The following ATP13A5 variants were observed in gnomAD, a reference collection of about 807,000 sequenced individuals.
ATP13A5 encodes the protein probable cation-transporting ATPase 13A5.
ATP13A5 carries 149 observed loss-of-function variants against 150.2 expected under a neutral mutation model. That is an observed-to-expected ratio of 0.99 (90% CI 0.87 to 1.14). ATP13A5 has a LOEUF of 1.14. Ranked by LOEUF, ATP13A5 falls within the 50% of genes most tolerant of loss-of-function variation. The pLI is 0.00. For missense variants in ATP13A5, 1,383 were observed against 1,449.3 expected (o/e 0.95, Z 0.74); for synonymous variants, 497 against 522.2 (o/e 0.95, Z 0.66).
chr3:193,331,263 T>G lies in ATP13A5; in HGVS notation c.1321A>C (p.Thr441Pro), dbSNP rs762979471. 6.2e-7 allele frequency: 1 copy of G among 1,614,020 alleles called. No homozygotes were observed. The highest frequency in any genetic ancestry group is 1.1e-5 in the South Asian group (1 of 91,068). The change falls in exon 12 of 30, where the codon ACT becomes CCT. Residue 441 changes from threonine (T) to proline (P), a missense_variant. Physicochemically the swap from Thr to Pro is conservative, Grantham distance 38. Around this residue, in one of 3 missense-constraint regions of ATP13A5, gnomAD observed 787 missense variants for 771.9 expected, o/e 1.02. Transcript: ENST00000342358. ...GCAGCTGGCAGCACTGGAGGGACAG[T>G]CACGGTGAGGAGGATCAGGGCCATG... Reference protein sequence around the residue: ...VTMALILLTVTVPPVLPAALT... With the variant: ...VTMALILLTVPVPPVLPAALT...
chr3:193,373,613 G>A (rs1353323875), intron 1 of ATP13A5, among the ~76,000 whole-genome samples: 3 of 152,070 alleles, frequency 2.0e-5, no homozygotes, highest in African/African-American at 7.2e-5. Flanking sequence ...TTTGCACTTT[G>A]TAACTCTTGA....
At chr3:193,308,313 G>T (rs1280648381) in intron 21 of ATP13A5, among the ~76,000 whole-genome samples, 1 of 152,060 alleles carries the variant, frequency 6.6e-6, no homozygotes, top group Non-Finnish European at 1.5e-5. Context: ...GAAAAAATCA[G>T]CTGGGCATGG....
intron 19 of ATP13A5, among the ~76,000 whole-genome samples, chr3:193,312,228 T>G (rs1027636166): frequency 6.6e-6 from 1 of 152,168 alleles, no homozygotes; most frequent in Non-Finnish European, 1.5e-5. Flanking sequence ...CATTCTTAGG[T>G]CCCAAATAGT....
chr3:193,375,700 C>T (rs935551196), intron 1 of ATP13A5, among the ~76,000 whole-genome samples: 1 of 152,088 alleles, frequency 6.6e-6, no homozygotes, highest in African/African-American at 2.4e-5. Flanking sequence ...CACCTAGTAC[C>T]GCACCATGCC....
At chr3:193,296,503 G>A (rs1007382911) in intron 25 of ATP13A5, among the ~76,000 whole-genome samples, 5 of 151,918 alleles carry the variant, frequency 3.3e-5, no homozygotes, top group East Asian at 3.9e-4. Flanking sequence ...GTACATGTGC[G>A]GTCTTATTTC....
intron 14 of ATP13A5, 135 bp downstream of exon 14, chr3:193,324,729 G>T: frequency 2.1e-6 from 2 of 945,810 alleles, no homozygotes; most frequent in East Asian, 2.5e-5. Flanking sequence ...AGGTTGGGAA[G>T]TTCTGGTAGT....
At chr3:193,360,833 C>T (rs548542230) in intron 5 of ATP13A5, among the ~76,000 whole-genome samples, 23 of 152,248 alleles carry the variant, frequency 1.5e-4, no homozygotes, top group East Asian at 1.9e-4. Flanking sequence ...CAGGCCACCA[C>T]GCCTGGCTAA....
chr3:193,335,449 A>C (rs573542543), intron 9 of ATP13A5, among the ~76,000 whole-genome samples: 7 of 152,306 alleles, frequency 4.6e-5, no homozygotes, highest in Admixed American at 3.3e-4. Flanking sequence ...CCAGCACGTG[A>C]ATAGTAATTA....
chr3:193,351,757 C>T (rs1057070889), intron 6 of ATP13A5, among the ~76,000 whole-genome samples: 1 of 152,168 alleles, frequency 6.6e-6, no homozygotes, highest in Non-Finnish European at 1.5e-5. Context: ...AGGAGGAAGA[C>T]TGGAGAGAAA....
intron 28 of ATP13A5, 36 bp from the exon 29 acceptor site, chr3:193,276,866 C>A: frequency 1.4e-6 from 2 of 1,428,788 alleles, no homozygotes; most frequent in African/African-American, 2.8e-5. Context: ...ATATTTTGCA[C>A]ACTTCACACT....
intron 14 of ATP13A5, among the ~76,000 whole-genome samples, chr3:193,322,838 T>C (rs973109253): frequency 4.6e-5 from 7 of 152,216 alleles, no homozygotes; most frequent in African/African-American, 1.4e-4. Context: ...TACAGGTCCA[T>C]GGATCTTTCT....
chr3:193,333,560 T>C (rs1005598330), intron 11 of ATP13A5, among the ~76,000 whole-genome samples, 190 bp downstream of exon 11: 3 of 152,204 alleles, frequency 2.0e-5, no homozygotes, highest in African/African-American at 7.2e-5. Flanking sequence ...GATTGCATAG[T>C]GTTTTAGATA....
Position 193,284,032 on chromosome 3 carries a change from A to ATTT in ATP13A5, c.3226+879_3226+881dup, listed in dbSNP as rs1553809357. Among the ~76,000 whole-genome samples, 46 of 149,432 alleles carry ATTT rather than the reference A, an allele frequency of 3.1e-4. No homozygotes were observed. The East Asian group carries it at 3.3e-3, about 11-fold the overall frequency. On this transcript the variant is annotated intron_variant, in intron 27 of 29. Transcript: ENST00000342358. ...GATTATTATTATTATTATTATTATTATTTTTTGAGACAGAGCCTTGCTCTG... is the reference window on the plus strand; with the variant it reads ...GATTATTATTATTATTATTATTATTATTTTTTTTTGAGACAGAGCCTTGCTCTG...
chr3:193,337,923 A>C (rs997184327), intron 9 of ATP13A5, among the ~76,000 whole-genome samples: 11 of 152,088 alleles, frequency 7.2e-5, no homozygotes, highest in Admixed American at 7.2e-4. Context: ...AGTGGTTTGT[A>C]GTTCTCCTTG....
intron 25 of ATP13A5, among the ~76,000 whole-genome samples, chr3:193,293,855 G>A (rs974853661): frequency 2.0e-5 from 3 of 151,994 alleles, no homozygotes; most frequent in African/African-American, 2.4e-5. Flanking sequence ...TGGGGTGTAC[G>A]AGATGCACTT....
At position 193,284,960 on chromosome 3, in the gene ATP13A5, G is replaced by C; in HGVS notation, c.3180C>G (p.Phe1060Leu). The C allele has an allele frequency of 6.2e-7, 1 of 1,614,038 alleles. No individual in the cohort carries two copies. Among genetic ancestry groups the C allele is most frequent in the African/African-American group, 1.3e-5 (1 of 75,042 alleles). ...ITTINYITVA[F>L]IFSKGKPFRK... ...GAAATGGCTTTCCCTTAGAAAAGAT[G>C]AATGCTACTGTGATATAGTTGATGG... is the stretch of plus-strand genomic sequence containing the variant. The change falls in exon 27 of 30, where the codon TTC becomes TTG. Residue 1060 changes from phenylalanine (F) to leucine (L), a missense_variant. Around this residue, in one of 3 missense-constraint regions of ATP13A5, gnomAD observed 568 missense variants for 621.5 expected, o/e 0.91. Transcript: ENST00000342358.
intron 7 of ATP13A5, among the ~76,000 whole-genome samples, chr3:193,349,760 A>G (rs181484082): frequency 7.9e-5 from 12 of 152,266 alleles, no homozygotes; most frequent in Non-Finnish European, 1.0e-4. Context: ...CCAGAAACTG[A>G]TGAATCCAGG....
intron 5 of ATP13A5, 94 bp from the exon 6 acceptor site, chr3:193,354,290 T>C: frequency 8.9e-7 from 1 of 1,119,778 alleles, no homozygotes; most frequent in Non-Finnish European, 1.3e-6. Context: ...TTCTACTCTT[T>C]GGAGATTTTG....
At position 193,354,223 on chromosome 3, in the gene ATP13A5, G is replaced by C. The variant is rs1034410457; in HGVS notation, c.537-27C>G. ...TGCGGGAAATTGATCATCCATTAGT[G>C]TCATAGCTACAAGCACATGATAAGT... On this transcript the variant is annotated intron_variant, in intron 5 of 29. Coordinates refer to ENST00000342358, the MANE Select transcript of ATP13A5 (RefSeq NM_198505.4). 3.1e-6 allele frequency: 5 copies of C among 1,596,428 alleles called. No individual in the cohort carries two copies. In the Middle Eastern group the frequency reaches 5.0e-4, roughly 160 times the overall value.
Sources: allele counts gnomAD v4.1 joint callset (sites outside exome capture counted in the v4.1 genomes callset), GRCh38; gene constraint gnomAD v4.1.1; regional missense constraint gnomAD v4.1.1; transcripts MANE v1.5; gene names NCBI Gene and HGNC (gene_info 2026-07-23, HGNC 2026-07-21).